DEUP1: variants seen among roughly 807,000 people sequenced by gnomAD.
The protein encoded by DEUP1 is deuterosome assembly protein 1.
DEUP1 carries 82 observed loss-of-function variants against 87.4 expected under a neutral mutation model. The observed-to-expected ratio is 0.94, with a 90% confidence interval of 0.78 to 1.13. The LOEUF (loss-of-function observed/expected upper bound fraction) is 1.13. Ranked by LOEUF, DEUP1 falls within the 50% of genes most tolerant of loss-of-function variation. DEUP1 has a pLI of 0.00. For missense variants in DEUP1, 663 were observed against 681.5 expected (o/e 0.97, Z 0.30); for synonymous variants, 214 against 222.7 (o/e 0.96, Z 0.35).
At chr11:93,395,719 A>G (rs941796947) in intron 10 of DEUP1, among the ~76,000 whole-genome samples, 9 of 152,218 alleles carry the variant, frequency 5.9e-5, no homozygotes, top group African/African-American at 1.9e-4. Context: ...GACAGATACC[A>G]TATCCAAGTC....
rs761865210 is a variant in DEUP1 at position 93,352,359 on chromosome 11, AC to A, written c.30-3011del. ...TTATCCAGTCTGAGTGACTGGACTT[AC>A]ACCAGCTCCCTGGAGAATGCTTCAG... On this transcript the variant is annotated intron_variant, in intron 2 of 13. Transcript: ENST00000298050. 2.8e-5 allele frequency: 20 copies of A among 702,538 alleles called. No homozygotes were observed. In the Middle Eastern group the frequency reaches 2.1e-3, roughly 72 times the overall value. The allele number at this position is 702,538 out of a possible 1,614,324, so 43.5% of individuals were successfully genotyped here. A position where few individuals can be genotyped will look rare whatever the true frequency, so the allele number is the denominator to read the frequency against.
chr11:93,408,252 G>C lies in DEUP1; in HGVS notation c.1348G>C (p.Glu450Gln), dbSNP rs1947337968. The change falls in exon 12 of 14, where the codon GAA (glutamate) becomes CAA (glutamine). Residue 450 changes from glutamate (E) to glutamine (Q), a missense_variant. Physicochemically the swap from Glu to Gln is conservative, Grantham distance 29. Transcript: ENST00000298050. Reference sequence around the variant, plus strand: ...CTAGAGTATGGACTTCACTAACAGGGAACAGTCAAGGCATACATCTATTAA... The same window carrying C: ...CTAGAGTATGGACTTCACTAACAGGCAACAGTCAAGGCATACATCTATTAA... ...EYMSMDFTNR[E>Q]QSRHTSINKL... is the part of the protein sequence containing the mutation. 1.3e-6 allele frequency: 2 copies of C among 1,576,508 alleles called. No individual in the cohort carries two copies. Among genetic ancestry groups the C allele is most frequent in the East Asian group, 2.3e-5 (1 of 43,750 alleles).
intron 5 of DEUP1, among the ~76,000 whole-genome samples, chr11:93,368,434 A>C (rs1945530872): frequency 6.6e-6 from 1 of 152,222 alleles, no homozygotes; most frequent in Admixed American, 6.5e-5. Flanking sequence ...ATTGACTCAC[A>C]GTTCCACAGG....
chr11:93,347,070 C>T (rs1944385380), intron 2 of DEUP1, among the ~76,000 whole-genome samples: 1 of 152,214 alleles, frequency 6.6e-6, no homozygotes, highest in South Asian at 2.1e-4. Flanking sequence ...CCAGGACTTC[C>T]AATACTATGT....
intron 11 of DEUP1, among the ~76,000 whole-genome samples, chr11:93,400,976 G>A: frequency 6.6e-6 from 1 of 152,022 alleles, no homozygotes. Context: ...ACACAAAAGG[G>A]CATCCAAATT....
At chr11:93,437,112 G>A (rs556530360) in intron 13 of DEUP1, among the ~76,000 whole-genome samples, 1 of 152,246 alleles carries the variant, frequency 6.6e-6, no homozygotes, top group African/African-American at 2.4e-5. Context: ...TCCAAGCATT[G>A]ATTCTCCCTG....
intron 2 of DEUP1, among the ~76,000 whole-genome samples, chr11:93,345,029 G>A (rs1591092898): frequency 6.6e-6 from 1 of 151,900 alleles, no homozygotes. Context: ...CTTCTGATAG[G>A]CCTGAGTGTC....
rs571383666 is a variant in DEUP1, at chr11:93,370,204, A to G, written c.546+18A>G. 8.6e-5 allele frequency: 106 copies of G among 1,234,364 alleles called. 2 individuals carry two copies. The South Asian group carries it at 1.3e-3, about 15-fold the overall frequency. The allele number at this position is 1,234,364 out of a possible 1,614,324, so 76.5% of individuals were successfully genotyped here. A position where few individuals can be genotyped will look rare whatever the true frequency, so the allele number is the denominator to read the frequency against. On this transcript the variant is annotated intron_variant, in intron 6 of 13. Transcript: ENST00000298050. The stretch of plus-strand genomic sequence containing the variant: ...AGTTTCAGGTAAGTTATCTAATACT[A>G]TTCTCTAAATCAAAAGCAGAAGTTA...
chr11:93,331,852 C>A (rs1419362744), intron 1 of DEUP1, among the ~76,000 whole-genome samples: 3 of 152,144 alleles, frequency 2.0e-5, no homozygotes, highest in Admixed American at 6.5e-5. Context: ...CGAGACCAGC[C>A]TGATCAACAT....
chr11:93,434,365 G>A (rs1038033669), intron 13 of DEUP1, among the ~76,000 whole-genome samples: 1 of 152,128 alleles, frequency 6.6e-6, no homozygotes, highest in African/African-American at 2.4e-5. Flanking sequence ...AGCCCCTAAT[G>A]TCCATGCCCT....
intron 6 of DEUP1, among the ~76,000 whole-genome samples, chr11:93,370,813 A>G (rs1945679705): frequency 6.6e-6 from 1 of 151,528 alleles, no homozygotes; most frequent in Admixed American, 6.6e-5. Flanking sequence ...CTCCTTCTCT[A>G]CTCTACATCT....
intron 2 of DEUP1, among the ~76,000 whole-genome samples, chr11:93,344,317 A>G (rs1485292608): frequency 6.6e-6 from 1 of 152,216 alleles, no homozygotes; most frequent in South Asian, 2.1e-4. Context: ...AAATTATATT[A>G]GTATAGCCTA....
intron 7 of DEUP1, among the ~76,000 whole-genome samples, chr11:93,376,155 G>A (rs376794192): frequency 3.9e-5 from 6 of 152,088 alleles, no homozygotes; most frequent in African/African-American, 1.4e-4. Context: ...TGTTGGCCAG[G>A]CTGGTCTCGA....
chr11:93,437,625 A>G lies in DEUP1; in HGVS notation c.1721A>G (p.Glu574Gly). Residue 574 changes from glutamate (E) to glycine (G), a missense_variant, in exon 14 of 14, where the codon GAA (glutamate) becomes GGA (glycine). Coordinates refer to ENST00000298050, the MANE Select transcript of DEUP1 (RefSeq NM_181645.4). ...LEEEKRAKEL[E>G]KLLNTHIDEL... ...GAAGAGAAACGAGCAAAAGAACTTGAAAAACTTCTAAATACACATATTGAT... is the reference window on the plus strand; with the variant it reads ...GAAGAGAAACGAGCAAAAGAACTTGGAAAACTTCTAAATACACATATTGAT... The G allele has an allele frequency of 2.5e-6, 4 of 1,612,100 alleles. No homozygotes were observed. The highest frequency in any genetic ancestry group is 3.4e-6 in the Non-Finnish European group (4 of 1,178,200).
At chr11:93,435,211 G>A (rs1948208844) in intron 13 of DEUP1, among the ~76,000 whole-genome samples, 1 of 152,154 alleles carries the variant, frequency 6.6e-6, no homozygotes, top group Admixed American at 6.5e-5. Flanking sequence ...TTGCAGTCAA[G>A]TTGCCACCAA....
At chr11:93,338,404 C>CTTTTT (rs532505177) in intron 2 of DEUP1, among the ~76,000 whole-genome samples, 1 of 139,600 alleles carries the variant, frequency 7.2e-6, no homozygotes, top group African/African-American at 2.6e-5. Flanking sequence ...ATGCAGTCAA[C>CTTTTT]TTTTTTTTTT....
At chr11:93,396,205 A>G in intron 10 of DEUP1, 34 bp from the exon 11 acceptor site, 1 of 1,304,370 alleles carries the variant, frequency 7.7e-7, no homozygotes, top group Non-Finnish European at 1.1e-6. Flanking sequence ...TTTTATTATG[A>G]ATTTTACATT....
chr11:93,370,330 G>A, intron 6 of DEUP1, 144 bp downstream of exon 6: 3 of 561,188 alleles, frequency 5.3e-6, no homozygotes, highest in South Asian at 5.0e-5. Context: ...AGTCACAAGT[G>A]CATAGAATAT....
At chr11:93,417,418 C>A (rs1441823202) in intron 13 of DEUP1, among the ~76,000 whole-genome samples, 1 of 151,282 alleles carries the variant, frequency 6.6e-6, no homozygotes, top group African/African-American at 2.4e-5. Context: ...CATGAGTGAA[C>A]TCCCATTCAC....
Sources: allele counts gnomAD v4.1 joint callset (sites outside exome capture counted in the v4.1 genomes callset), GRCh38; gene constraint gnomAD v4.1.1; transcripts MANE v1.5; gene names NCBI Gene and HGNC (gene_info 2026-07-23, HGNC 2026-07-21).